BUD31: variants seen among roughly 807,000 people sequenced by gnomAD.
The protein encoded by BUD31 is BUD31 spliceosome associated protein.
Under a neutral mutation model 17.9 loss-of-function variants are expected in BUD31, and 9 were observed. That is an observed-to-expected ratio of 0.50 (90% CI 0.30 to 0.88). BUD31 has a LOEUF of 0.88. BUD31 is among the 40% of genes least tolerant of loss of function. BUD31 has a pLI of 0.06. For missense variants in BUD31, 148 were observed against 184.5 expected, an observed-to-expected ratio of 0.80 and a Z score of 1.15; for synonymous variants, 70 against 64.7, an observed-to-expected ratio of 1.08 and a Z score of -0.39.
At chr7:99,417,827 T>G (rs1795590569) in intron 5 of BUD31, 2 of 1,481,746 alleles carry the variant, frequency 1.3e-6, no homozygotes, top group Non-Finnish European at 1.8e-6. Flanking sequence ...TTGGGCAAAT[T>G]ACTGAACCCC....
intron 5 of BUD31, chr7:99,417,816 T>A: frequency 6.7e-7 from 1 of 1,497,168 alleles, no homozygotes. Context: ...CAACTCCACT[T>A]TTGGGCAAAT....
chr7:99,411,248 C>T lies in BUD31; in HGVS notation c.94+62C>T, dbSNP rs1362480549. ...CAAGGGTCACAGGCTTAGATGCCCC[C>T]AGGGGACAGGCATAAATGCAAATAT... On this transcript the variant is annotated intron_variant, in intron 3 of 5. Coordinates refer to ENST00000222969, the MANE Select transcript of BUD31 (RefSeq NM_003910.4). The T allele has an allele frequency of 5.6e-6, 7 of 1,240,226 alleles. No homozygotes were observed. The East Asian group carries it at 1.4e-4, about 25-fold the overall frequency. 76.8% of individuals were successfully genotyped at this position (1,240,226 alleles called of 1,614,324 possible). A position where few individuals can be genotyped will look rare whatever the true frequency, so the allele number is the denominator to read the frequency against.
intron 3 of BUD31, chr7:99,415,413 G>A (rs2150928071): frequency 2.5e-6 from 1 of 398,972 alleles, no homozygotes; most frequent in South Asian, 1.8e-5. Flanking sequence ...TTATCTAAAA[G>A]GCAGAGCCAG....
At chr7:99,413,325 C>T (rs1335529228) in intron 3 of BUD31, among the ~76,000 whole-genome samples, 2 of 152,140 alleles carry the variant, frequency 1.3e-5, no homozygotes, top group Admixed American at 6.5e-5. Flanking sequence ...AACTGCCTTG[C>T]GGCAAGTATG....
intron 2 of BUD31, among the ~76,000 whole-genome samples, chr7:99,410,667 G>A (rs1445545184): frequency 6.6e-6 from 1 of 152,158 alleles, no homozygotes; most frequent in African/African-American, 2.4e-5. Flanking sequence ...AAGGGGCAAA[G>A]GCTTAACTTT....
intron 2 of BUD31, among the ~76,000 whole-genome samples, chr7:99,410,658 AG>A (rs922676690): frequency 5.9e-5 from 9 of 152,256 alleles, no homozygotes; most frequent in African/African-American, 2.2e-4. Context: ...TCACCTTCTA[AG>A]GGGCAAAGGC....
chr7:99,411,293 A>G (rs1795174100), intron 3 of BUD31, 107 bp downstream of exon 3: 2 of 773,844 alleles, frequency 2.6e-6, no homozygotes, highest in Non-Finnish European at 2.1e-6. Flanking sequence ...GTGGTCTACT[A>G]ACACTGACAT....
intron 5 of BUD31, chr7:99,418,885 C>T (rs1007503243): frequency 6.3e-6 from 1 of 158,554 alleles, no homozygotes; most frequent in Non-Finnish European, 1.4e-5. Flanking sequence ...TGTTCTAGGG[C>T]TTTCTGGCTG....
intron 3 of BUD31, among the ~76,000 whole-genome samples, chr7:99,414,679 C>T (rs1362278523): frequency 1.3e-5 from 2 of 152,100 alleles, no homozygotes; most frequent in African/African-American, 4.8e-5. Flanking sequence ...TCACTGCATC[C>T]TCCGCCTCTG....
intron 3 of BUD31, among the ~76,000 whole-genome samples, chr7:99,414,147 T>G (rs1460088630): frequency 8.2e-6 from 1 of 122,016 alleles, no homozygotes; most frequent in Non-Finnish European, 1.7e-5. Context: ...TATTTTTTTA[T>G]TTTTTTTTTT....
intron 3 of BUD31, 43 bp from the exon 4 acceptor site, chr7:99,416,095 G>C: frequency 6.2e-7 from 1 of 1,606,272 alleles, no homozygotes; most frequent in African/African-American, 1.3e-5. Flanking sequence ...ATCCTGCGCA[G>C]ACCGACCCTA....
At chr7:99,417,401 T>A (rs369078234) in intron 4 of BUD31, 28 bp from the exon 5 acceptor site, 12 of 1,610,298 alleles carry the variant, frequency 7.5e-6, no homozygotes, top group Non-Finnish European at 1.0e-5. Flanking sequence ...GACCATGGCC[T>A]GATGCTCTTT....
In BUD31 at chr7:99,417,472, C is replaced by T. The variant is rs1795565670; in HGVS notation, c.261C>T (p.Asn87=). Residue 87 remains asparagine, a synonymous_variant, in exon 5 of 6, where the codon AAC becomes AAT. Transcript: ENST00000222969. ...YCIKEGYADK[N]LIAKWKKQGY... is the part of the protein sequence containing the mutation. ...TTAAAGAAGGCTATGCAGACAAAAA[C>T]CTGATTGCAAAATGGAAAAAGCAAG... 5.0e-6 allele frequency: 8 copies of T among 1,612,334 alleles called. No individual in the cohort carries two copies. The highest frequency in any genetic ancestry group is 6.8e-6 in the Non-Finnish European group (8 of 1,179,280).
chr7:99,414,771 T>C (rs528446549), intron 3 of BUD31, among the ~76,000 whole-genome samples: 1 of 152,120 alleles, frequency 6.6e-6, no homozygotes, highest in East Asian at 1.9e-4. Flanking sequence ...AATTCTTTTG[T>C]ATTTTTAGTA....
chr7:99,417,631 G>T, intron 5 of BUD31, 36 bp downstream of exon 5: 1 of 1,605,840 alleles, frequency 6.2e-7, no homozygotes. Context: ...GTTGTTTTCA[G>T]CTCAAAATTC....
At position 99,409,139 on chromosome 7, in the gene BUD31, C is replaced by CT. The variant is rs1222933820; in HGVS notation, c.-270dup. The CT allele has an allele frequency of 6.6e-6, 1 of 152,342 alleles. No individual in the cohort carries two copies. The highest frequency in any genetic ancestry group is 2.4e-5 in the African/African-American group (1 of 41,440). The allele number at this position is 152,342 out of a possible 1,614,324, so 9.4% of individuals were successfully genotyped here. On this transcript the variant is annotated 5_prime_UTR_variant, in exon 1 of 6. It introduces an in-frame stop codon into an upstream open reading frame of the 5' UTR. Transcript: ENST00000222969. ...ACTGGGATGTGTTCGGGCTTTGGAC[C>CT]TTGAGGCCGGAGAGAGCTCCCGAGA...
intron 3 of BUD31, among the ~76,000 whole-genome samples, chr7:99,415,643 G>A (rs180807892): frequency 1.9e-3 from 289 of 152,164 alleles, no homozygotes; most frequent in Middle Eastern, 6.8e-3. Flanking sequence ...TGACACTAAC[G>A]CTACTGCTAG....
chr7:99,416,080 AG>A, intron 3 of BUD31, 57 bp from the exon 4 acceptor site: 2 of 1,589,200 alleles, frequency 1.3e-6, no homozygotes, highest in Non-Finnish European at 1.7e-6. Flanking sequence ...ACTTACAAAA[AG>A]AAAATCCTGC....
At chr7:99,411,967 A>G (rs1388629458) in intron 3 of BUD31, 2 of 294,354 alleles carry the variant, frequency 6.8e-6, no homozygotes, top group Non-Finnish European at 1.3e-5. Flanking sequence ...CGGCCTCCCA[A>G]AGTGATGGGA....
Sources: gnomAD v4.1 joint callset for allele counts (sites outside exome capture counted in the v4.1 genomes callset) on GRCh38, gnomAD v4.1.1 for gene constraint, MANE v1.5 for transcripts, NCBI Gene and HGNC (gene_info 2026-07-23, HGNC 2026-07-21) for gene names.